Variants in EXT2 observed in about 807,000 individuals in gnomAD.
EXT2 encodes the protein exostosin glycosyltransferase 2, also known as exostosin-2.
In EXT2, 53 loss-of-function variants were observed where a neutral mutation model predicts 81.6. The ratio of observed to expected loss-of-function variants is 0.65; its 90% CI spans 0.52 to 0.82. The LOEUF (loss-of-function observed/expected upper bound fraction) is 0.82. EXT2 is among the 40% of genes least tolerant of loss of function. The probability of loss-of-function intolerance (pLI) is 0.00; values close to 1 mark genes in which losing one functional copy is unlikely to be tolerated. For synonymous variants in EXT2, 320 were observed against 340.0 expected (o/e 0.94, Z 0.65); for missense variants, 774 against 910.2 (o/e 0.85, Z 1.93).
chr11:44,236,527 C>G, intron 13 of EXT2, 152 bp downstream of exon 13: 1 of 724,102 alleles, frequency 1.4e-6, no homozygotes, highest in Admixed American at 2.0e-5. Context: ...TTAGTTCAAG[C>G]CCAGGTCACC....
intron 7 of EXT2, 44 bp from the exon 8 acceptor site, chr11:44,171,567 T>A (rs1448989352): frequency 4.3e-6 from 7 of 1,613,914 alleles, no homozygotes; most frequent in Non-Finnish European, 5.9e-6. Flanking sequence ...GTTTTCCCAC[T>A]CTGTCTCGCT....
intron 8 of EXT2, among the ~76,000 whole-genome samples, chr11:44,193,848 G>A (rs1955423407): frequency 6.6e-6 from 1 of 152,122 alleles, no homozygotes; most frequent in Admixed American, 6.5e-5. Flanking sequence ...ATGCAAGTGG[G>A]CAGTGGGGAA....
intron 3 of EXT2, among the ~76,000 whole-genome samples, chr11:44,112,311 T>G (rs542350648): frequency 1.3e-5 from 2 of 152,320 alleles, no homozygotes; most frequent in East Asian, 3.9e-4. Context: ...GTGCTAAAAA[T>G]GCTGGAGAGC....
intron 7 of EXT2, among the ~76,000 whole-genome samples, chr11:44,143,900 A>G (rs1954679894): frequency 6.6e-6 from 1 of 152,190 alleles, no homozygotes. Flanking sequence ...GGGAAAGAAA[A>G]TAGAGTAGAG....
At chr11:44,189,801 T>C (rs1427815074) in intron 8 of EXT2, among the ~76,000 whole-genome samples, 1 of 152,234 alleles carries the variant, frequency 6.6e-6, no homozygotes. Context: ...TCAGGTAAAC[T>C]TCAGACTTGT....
chr11:44,213,463 G>T (rs1018263339), intron 10 of EXT2, among the ~76,000 whole-genome samples: 2 of 152,136 alleles, frequency 1.3e-5, no homozygotes, highest in Non-Finnish European at 2.9e-5. Context: ...CACAAAAAAA[G>T]CCTCTAATAA....
At chr11:44,112,014 A>C (rs1954151480) in intron 3 of EXT2, among the ~76,000 whole-genome samples, 1 of 152,210 alleles carries the variant, frequency 6.6e-6, no homozygotes. Context: ...GTGAACAAAT[A>C]AGGATGACCG....
intron 1 of EXT2, among the ~76,000 whole-genome samples, chr11:44,096,604 C>CCGGG (rs902978352): frequency 7.6e-5 from 11 of 144,070 alleles, no homozygotes; most frequent in African/African-American, 2.8e-4. Flanking sequence ...GTGTGTCGGG[C>CCGGG]CGGGGCCAGG....
intron 9 of EXT2, among the ~76,000 whole-genome samples, chr11:44,198,539 G>A (rs541083724): frequency 1.3e-5 from 2 of 152,336 alleles, no homozygotes; most frequent in East Asian, 1.9e-4. Flanking sequence ...GGCCACCCCT[G>A]TAATCTGCTG....
intron 10 of EXT2, among the ~76,000 whole-genome samples, chr11:44,227,550 A>G (rs531897416): frequency 2.2e-4 from 34 of 152,344 alleles, no homozygotes; most frequent in African/African-American, 7.2e-4. Context: ...TACTTTAACC[A>G]TGTGCCTCTG....
chr11:44,122,799 A>G (rs531474035), intron 4 of EXT2, among the ~76,000 whole-genome samples: 8 of 152,230 alleles, frequency 5.3e-5, no homozygotes, highest in African/African-American at 1.9e-4. Flanking sequence ...GACGTGGTCA[A>G]CGTTTGTGCT....
chr11:44,149,815 G>A (rs982715918), intron 7 of EXT2, among the ~76,000 whole-genome samples: 1 of 152,190 alleles, frequency 6.6e-6, no homozygotes, highest in African/African-American at 2.4e-5. Context: ...CTTTGGGAAT[G>A]TTCCAGGCCA....
In EXT2 at chr11:44,158,549, TTTAATTTTAATTAAATTAA is replaced by T. The variant is rs943663419; in HGVS notation, c.1174-13050_1174-13032del. 7.7e-5 allele frequency among the ~76,000 whole-genome samples: 11 copies of T among 142,768 alleles called. No homozygotes were observed. In the South Asian group the frequency reaches 8.3e-4, roughly 11 times the overall value. The allele number at this position is 142,768 out of a possible 152,430, so 93.7% of individuals were successfully genotyped here. On this transcript the variant is annotated intron_variant, in intron 7 of 13. Coordinates refer to ENST00000533608, the MANE Select transcript of EXT2 (RefSeq NM_207122.2). Reference sequence around the variant, plus strand: ...AAATTTTTAATTTTTAATAAATTAATTTAATTTTAATTAAATTAATTAATTTTAATAAATTGATTTTTAT... The same window carrying T: ...AAATTTTTAATTTTTAATAAATTAATTTAATTTTAATAAATTGATTTTTAT...
chr11:44,145,256 T>G (rs963697042), intron 7 of EXT2, among the ~76,000 whole-genome samples: 6 of 152,100 alleles, frequency 3.9e-5, no homozygotes, highest in African/African-American at 1.4e-4. Flanking sequence ...CTAAAAACAT[T>G]GAGTAGAAAA....
chr11:44,233,727 G>A (rs984212129), intron 11 of EXT2, among the ~76,000 whole-genome samples: 2 of 151,972 alleles, frequency 1.3e-5, no homozygotes, highest in Admixed American at 6.6e-5. Context: ...CCAGAAATGG[G>A]TTTTTTTATT....
chr11:44,132,472 C>T (rs1954507131), intron 7 of EXT2, among the ~76,000 whole-genome samples: 1 of 152,244 alleles, frequency 6.6e-6, no homozygotes. Flanking sequence ...CGTTTGATTG[C>T]ATGACCATGG....
At chr11:44,169,525 CAA>C (rs1955041980) in intron 7 of EXT2, among the ~76,000 whole-genome samples, 1 of 151,920 alleles carries the variant, frequency 6.6e-6, no homozygotes. Context: ...ACTAAAGTAA[CAA>C]AGAAGAGATA....
At chr11:44,207,062 G>A in intron 10 of EXT2, 103 bp downstream of exon 10, 1 of 1,372,850 alleles carries the variant, frequency 7.3e-7, no homozygotes, top group Non-Finnish European at 1.0e-6. Context: ...AAAAGTCAGA[G>A]TTTCTAAAAT....
At chr11:44,100,621 G>A (rs1433095161) in intron 1 of EXT2, among the ~76,000 whole-genome samples, 2 of 152,206 alleles carry the variant, frequency 1.3e-5, no homozygotes, top group African/African-American at 4.8e-5. Context: ...TGAACTCAGG[G>A]TTCATTGTGA....
Sources: allele counts gnomAD v4.1 joint callset (sites outside exome capture counted in the v4.1 genomes callset), GRCh38; gene constraint gnomAD v4.1.1; transcripts MANE v1.5; gene names NCBI Gene and HGNC (gene_info 2026-07-23, HGNC 2026-07-21).